Variants in SH2D4A observed in about 807,000 individuals in gnomAD.
The protein encoded by SH2D4A is SH2 domain containing 4A, also known as SH2 domain-containing protein 4A.
In SH2D4A, 70 loss-of-function variants were observed where a neutral mutation model predicts 64.7. The ratio of observed to expected loss-of-function variants is 1.08; its 90% CI spans 0.89 to 1.32. SH2D4A has a LOEUF of 1.32. Ranked by LOEUF, SH2D4A falls within the 40% of genes most tolerant of loss-of-function variation. SH2D4A has a pLI of 0.00. For missense variants in SH2D4A, 706 were observed against 540.1 expected (o/e 1.31, Z -3.04); for synonymous variants, 268 against 200.7 (o/e 1.34, Z -2.83).
At chr8:19,342,664 G>GGGTC (rs2052547014) in intron 4 of SH2D4A, among the ~76,000 whole-genome samples, 1 of 152,138 alleles carries the variant, frequency 6.6e-6, no homozygotes, top group South Asian at 2.1e-4. Context: ...AGGGGGAGCT[G>GGGTC]GGTCTTCTAC....
intron 8 of SH2D4A, among the ~76,000 whole-genome samples, chr8:19,374,262 C>T (rs565556419): frequency 1.3e-5 from 2 of 152,258 alleles, no homozygotes; most frequent in South Asian, 2.1e-4. Flanking sequence ...CTGTATTTGA[C>T]CCAAGAAACT....
chr8:19,394,601 C>G lies in SH2D4A; in HGVS notation c.1324C>G (p.Gln442Glu), dbSNP rs1453812971. ...GGAGCTCCTTCTCTATCCCTGTGGT[C>G]AGCAGGACCAGCTGCCTGACTACCT... is the stretch of plus-strand genomic sequence containing the variant. ...GKELLLYPCG[Q>E]QDQLPDYLEL... is the part of the protein sequence containing the mutation. Residue 442 changes from glutamine to glutamate, a missense_variant, in exon 10 of 10, where the codon CAG becomes GAG. Coordinates refer to ENST00000265807, the MANE Select transcript of SH2D4A (RefSeq NM_022071.4). The G allele has an allele frequency of 1.2e-6, 2 of 1,610,872 alleles. No homozygotes were observed. The highest frequency in any genetic ancestry group is 1.3e-5 in the African/African-American group (1 of 74,868).
intron 4 of SH2D4A, among the ~76,000 whole-genome samples, chr8:19,348,406 C>G (rs1170743956): frequency 2.6e-5 from 4 of 152,146 alleles, no homozygotes; most frequent in African/African-American, 9.7e-5. Flanking sequence ...TATTGTAACT[C>G]ATAGTGTTAT....
In SH2D4A at chr8:19,368,578, GTTATT is replaced by G. The variant is rs201550552; in HGVS notation, c.917+4314_917+4318del. ...ACCTCCTTGGTTAAATTTATTCCTAGTTATTTTATTTTATTTTATTTTGCTATTGT... is the reference window on the plus strand; with the variant it reads ...ACCTCCTTGGTTAAATTTATTCCTAGTTATTTTATTTTATTTTGCTATTGT... On this transcript the variant is annotated intron_variant, in intron 7 of 9. Transcript: ENST00000265807. Among the ~76,000 whole-genome samples the G allele has an allele frequency of 8.5e-3, 1,216 of 143,012 alleles. 9 individuals carry two copies. The highest frequency in any genetic ancestry group is 0.029 in the African/African-American group (1,143 of 39,390). The allele number at this position is 143,012 out of a possible 152,430, so 93.8% of individuals were successfully genotyped here. A position where few individuals can be genotyped will look rare whatever the true frequency, so the allele number is the denominator to read the frequency against.
intron 4 of SH2D4A, among the ~76,000 whole-genome samples, chr8:19,348,017 C>A (rs1407767289): frequency 6.6e-6 from 1 of 152,130 alleles, no homozygotes; most frequent in Non-Finnish European, 1.5e-5. Flanking sequence ...CTAATGATCA[C>A]AAAAACACGC....
At chr8:19,393,572 C>A (rs762466344) in intron 9 of SH2D4A, 31 bp downstream of exon 9, 1 of 1,601,582 alleles carries the variant, frequency 6.2e-7, no homozygotes, top group South Asian at 1.1e-5. Flanking sequence ...AATTTGCCTT[C>A]TGAGTTACTG....
chr8:19,328,344 C>T (rs1246359945), intron 2 of SH2D4A, among the ~76,000 whole-genome samples: 3 of 152,004 alleles, frequency 2.0e-5, no homozygotes, highest in African/African-American at 2.4e-5. Context: ...ACGTAGTCTA[C>T]GCTTCCAAAA....
intron 2 of SH2D4A, among the ~76,000 whole-genome samples, chr8:19,322,788 A>T (rs2052214145): frequency 6.6e-6 from 1 of 151,868 alleles, no homozygotes; most frequent in South Asian, 2.1e-4. Flanking sequence ...CTCCTGCCTC[A>T]GCCTCCTGAG....
intron 7 of SH2D4A, among the ~76,000 whole-genome samples, chr8:19,366,466 C>G (rs575578487): frequency 7.2e-5 from 11 of 152,276 alleles, no homozygotes; most frequent in African/African-American, 2.4e-4. Context: ...CCCCCCTACT[C>G]TCCCCAGCCT....
chr8:19,334,621 T>C, intron 3 of SH2D4A, 65 bp from the exon 4 acceptor site: 2 of 1,507,170 alleles, frequency 1.3e-6, no homozygotes, highest in Non-Finnish European at 1.8e-6. Context: ...TGTCGACATA[T>C]GCTTTGGAAA....
At chr8:19,367,917 C>A (rs950414495) in intron 7 of SH2D4A, among the ~76,000 whole-genome samples, 3 of 152,014 alleles carry the variant, frequency 2.0e-5, no homozygotes, top group Non-Finnish European at 4.4e-5. Flanking sequence ...TCCCTATGAA[C>A]AAATTAAAAA....
chr8:19,332,494 C>G (rs533189627), intron 2 of SH2D4A, among the ~76,000 whole-genome samples: 2 of 151,720 alleles, frequency 1.3e-5, no homozygotes, highest in Non-Finnish European at 2.9e-5. Context: ...ATTAGCTGGT[C>G]GTGGTGGCAG....
intron 8 of SH2D4A, chr8:19,375,419 A>G (rs565684157): frequency 2.0e-5 from 3 of 152,198 alleles, no homozygotes; most frequent in Non-Finnish European, 4.4e-5. Flanking sequence ...TGTCACATCC[A>G]CCATGAGTTA....
chr8:19,334,314 A>G (rs536205173), intron 3 of SH2D4A, among the ~76,000 whole-genome samples: 2 of 152,290 alleles, frequency 1.3e-5, no homozygotes, highest in South Asian at 2.1e-4. Flanking sequence ...CCATGGACAT[A>G]TGAAGATAAA....
Position 19,338,970 on chromosome 8 carries a change from T to C in SH2D4A, c.513+4113T>C, listed in dbSNP as rs148278387. The stretch of plus-strand genomic sequence containing the variant: ...ACGATCACAAGGTGAAGTCCCACAA[T>C]AGGCCATCTGCAAGCTGAGGAGCCA... On this transcript the variant is annotated intron_variant, in intron 4 of 9. Coordinates refer to ENST00000265807, the MANE Select transcript of SH2D4A (RefSeq NM_022071.4). 6.0e-3 allele frequency among the ~76,000 whole-genome samples: 917 copies of C among 152,264 alleles called. 10 individuals carry two copies. The highest frequency in any genetic ancestry group is 0.021 in the African/African-American group (865 of 41,542).
intron 8 of SH2D4A, among the ~76,000 whole-genome samples, chr8:19,381,618 C>T (rs118001624): frequency 0.016 from 2,381 of 152,258 alleles, 27 homozygotes; most frequent in Non-Finnish European, 0.023. Flanking sequence ...GATAATTTAA[C>T]TTCTTTTCTA....
At chr8:19,366,550 A>G (rs1384332216) in intron 7 of SH2D4A, among the ~76,000 whole-genome samples, 1 of 152,166 alleles carries the variant, frequency 6.6e-6, no homozygotes. Flanking sequence ...CAATCCCAGC[A>G]CTTTGAGAGG....
At chr8:19,344,297 G>A (rs1258365968) in intron 4 of SH2D4A, among the ~76,000 whole-genome samples, 1 of 152,116 alleles carries the variant, frequency 6.6e-6, no homozygotes, top group Non-Finnish European at 1.5e-5. Context: ...CCGCTTACAG[G>A]TATATTCACA....
At chr8:19,374,494 A>T (rs2053161186) in intron 8 of SH2D4A, among the ~76,000 whole-genome samples, 1 of 152,242 alleles carries the variant, frequency 6.6e-6, no homozygotes, top group Non-Finnish European at 1.5e-5. Context: ...CATTATGTTT[A>T]AGGCATCTTT....
Sources: gnomAD v4.1 joint callset for allele counts (sites outside exome capture counted in the v4.1 genomes callset) on GRCh38, gnomAD v4.1.1 for gene constraint, MANE v1.5 for transcripts, NCBI Gene and HGNC (gene_info 2026-07-23, HGNC 2026-07-21) for gene names.